R3HDM1: variants seen among roughly 807,000 people sequenced by gnomAD.
R3HDM1 encodes R3H domain containing 1.
Under a neutral mutation model 141.1 loss-of-function variants are expected in R3HDM1, and 46 were observed. That is an observed-to-expected ratio of 0.33 (90% confidence interval 0.26 to 0.42). The LOEUF is 0.42. Ranked by LOEUF, R3HDM1 falls within the 10% of genes least tolerant of loss-of-function variation. The probability of loss-of-function intolerance (pLI) is 1.00; values close to 1 mark genes in which losing one functional copy is unlikely to be tolerated. For missense variants in R3HDM1, 1,184 were observed against 1,368.3 expected, an observed-to-expected ratio of 0.87 and a Z score of 2.12; for synonymous variants, 435 against 472.9, an observed-to-expected ratio of 0.92 and a Z score of 1.04.
chr2:135,691,275 A>G (rs1052217739), intron 21 of R3HDM1, among the ~76,000 whole-genome samples: 3 of 152,140 alleles, frequency 2.0e-5, no homozygotes, highest in Non-Finnish European at 2.9e-5. Flanking sequence ...TAGCAATCAA[A>G]TTTTTTAACA....
intron 21 of R3HDM1, among the ~76,000 whole-genome samples, chr2:135,684,138 T>C (rs1232514258): frequency 6.6e-6 from 1 of 152,190 alleles, no homozygotes; most frequent in Non-Finnish European, 1.5e-5. Flanking sequence ...TCGCCCAGGC[T>C]GGAGTGCAGT....
chr2:135,667,252 A>G (rs1380443382), intron 19 of R3HDM1: 2 of 950,868 alleles, frequency 2.1e-6, no homozygotes, highest in Non-Finnish European at 2.5e-6. Context: ...GGAGCCCTCC[A>G]GGGAAGTTCC....
At chr2:135,556,094 G>A (rs1190146063) in intron 1 of R3HDM1, among the ~76,000 whole-genome samples, 1 of 152,138 alleles carries the variant, frequency 6.6e-6, no homozygotes, top group Non-Finnish European at 1.5e-5. Context: ...TTGAAAACAT[G>A]CTAAGTAAAA....
chr2:135,595,854 C>T (rs1177020038), intron 1 of R3HDM1, among the ~76,000 whole-genome samples: 3 of 152,176 alleles, frequency 2.0e-5, no homozygotes, highest in African/African-American at 7.2e-5. Flanking sequence ...AAACCCTAGT[C>T]ACTTTCCATC....
At chr2:135,534,250 G>A (rs1224610962) in intron 1 of R3HDM1, among the ~76,000 whole-genome samples, 1 of 152,160 alleles carries the variant, frequency 6.6e-6, no homozygotes, top group East Asian at 1.9e-4. Flanking sequence ...ATTTTATTTA[G>A]CTGTTAAATG....
chr2:135,577,411 G>A (rs1202077507), intron 1 of R3HDM1, among the ~76,000 whole-genome samples: 1 of 6,848 alleles, frequency 1.5e-4, no homozygotes, highest in Non-Finnish European at 2.7e-4. Context: ...ATAATTAAAT[G>A]ACCAAAAAAA....
At chr2:135,625,487 A>T (rs1400733547) in intron 7 of R3HDM1, among the ~76,000 whole-genome samples, 2 of 152,186 alleles carry the variant, frequency 1.3e-5, no homozygotes, top group Non-Finnish European at 2.9e-5. Context: ...TAACAGAGGG[A>T]TATGAAAATA....
rs541573034 is a variant in R3HDM1, at chr2:135,553,034, G to A, written c.-250+21401G>A. On this transcript the variant is annotated intron_variant, in intron 1 of 26. Transcript: ENST00000683871. ...GCCGGGACCACAGACATGTGCCACC[G>A]CATCCAGTTAATTTTTGTAGAGACA... 2.2e-4 allele frequency among the ~76,000 whole-genome samples: 33 copies of A among 152,034 alleles called. No individual in the cohort carries two copies. The South Asian group carries it at 6.0e-3, about 28-fold the overall frequency.
At position 135,629,776 on chromosome 2, in the gene R3HDM1, T is replaced by C. The variant is rs545610245; in HGVS notation, c.498-1942T>C. ...CCAGCTCATGCCTGCCTTGTACATA[T>C]GTTTAGTTCTAAGAACAGTAAGAAA... On this transcript the variant is annotated intron_variant, in intron 7 of 26. Coordinates refer to ENST00000683871, the MANE Select transcript of R3HDM1 (RefSeq NM_001378107.1). Among the ~76,000 whole-genome samples the C allele has an allele frequency of 2.6e-5, 4 of 152,152 alleles. No homozygotes were observed. In the South Asian group the frequency reaches 8.3e-4, roughly 32 times the overall value.
At chr2:135,687,281 G>A (rs2071518353) in intron 21 of R3HDM1, among the ~76,000 whole-genome samples, 1 of 152,164 alleles carries the variant, frequency 6.6e-6, no homozygotes, top group Non-Finnish European at 1.5e-5. Context: ...GGGAAGTGGA[G>A]AGTTACTCTT....
At chr2:135,613,795 G>A (rs1306777211) in intron 3 of R3HDM1, among the ~76,000 whole-genome samples, 17 of 152,256 alleles carry the variant, frequency 1.1e-4, no homozygotes, top group Admixed American at 8.5e-4. Context: ...CAGCCTGGGC[G>A]ACAGAGTGAG....
At chr2:135,651,417 T>C (rs767382520) in intron 17 of R3HDM1, 18 of 979,142 alleles carry the variant, frequency 1.8e-5, no homozygotes, top group Non-Finnish European at 2.1e-5. Flanking sequence ...CACTTCTACA[T>C]TCTAATGTTG....
In R3HDM1 at chr2:135,598,560, C is replaced by G. The variant is rs529155631; in HGVS notation, c.-249-3940C>G. ...TAAGAGCCTGAAATGGAGCACTAGTCTGTCCAGTTCAAATCCTGTTTTCCA... is the reference window on the plus strand; with the variant it reads ...TAAGAGCCTGAAATGGAGCACTAGTGTGTCCAGTTCAAATCCTGTTTTCCA... On this transcript the variant is annotated intron_variant, in intron 1 of 26. Coordinates refer to ENST00000683871, the MANE Select transcript of R3HDM1 (RefSeq NM_001378107.1). Among the ~76,000 whole-genome samples, 5 of 152,290 alleles carry G rather than the reference C, an allele frequency of 3.3e-5. No individual in the cohort carries two copies. The East Asian group carries it at 9.6e-4, about 29-fold the overall frequency.
intron 1 of R3HDM1, among the ~76,000 whole-genome samples, chr2:135,581,937 G>T (rs1485452672): frequency 6.6e-6 from 1 of 152,044 alleles, no homozygotes; most frequent in Admixed American, 6.6e-5. Context: ...AAATTATCTT[G>T]GTGAATTGAT....
intron 17 of R3HDM1, chr2:135,651,439 A>G (rs62168791): frequency 4.1e-5 from 40 of 975,484 alleles, no homozygotes; most frequent in Non-Finnish European, 4.6e-5. Flanking sequence ...TTTCATCTTC[A>G]TTTAAATAAA....
At chr2:135,654,691 C>T (rs184319370) in intron 18 of R3HDM1, among the ~76,000 whole-genome samples, 2 of 152,262 alleles carry the variant, frequency 1.3e-5, no homozygotes, top group Non-Finnish European at 2.9e-5. Flanking sequence ...GCAAGTGATC[C>T]TCCCGCCTCG....
At chr2:135,637,226 A>C (rs1338522227) in intron 11 of R3HDM1, among the ~76,000 whole-genome samples, 1 of 152,218 alleles carries the variant, frequency 6.6e-6, no homozygotes, top group Non-Finnish European at 1.5e-5. Context: ...AAGCACCAAA[A>C]CCAGAACTGG....
At chr2:135,722,050 A>G (rs2076748327) in intron 25 of R3HDM1, 44 bp downstream of exon 25, 2 of 1,563,976 alleles carry the variant, frequency 1.3e-6, no homozygotes, top group Non-Finnish European at 1.8e-6. Flanking sequence ...GCAGAACATC[A>G]TAGCTCCCTC....
chr2:135,684,161 G>A (rs995869176), intron 21 of R3HDM1, among the ~76,000 whole-genome samples: 1 of 152,148 alleles, frequency 6.6e-6, no homozygotes, highest in South Asian at 2.1e-4. Context: ...CACGAACTCA[G>A]CTCACTGCAA....
Sources: gnomAD v4.1 joint callset for allele counts (sites outside exome capture counted in the v4.1 genomes callset) on GRCh38, gnomAD v4.1.1 for gene constraint, MANE v1.5 for transcripts, NCBI Gene and HGNC (gene_info 2026-07-23, HGNC 2026-07-21) for gene names.